DDX6: variants seen among roughly 807,000 people sequenced by gnomAD.
DDX6 encodes probable ATP-dependent RNA helicase DDX6.
Under a neutral mutation model 60.6 loss-of-function variants are expected in DDX6, and 7 were observed. That is an observed-to-expected ratio of 0.12 (90% confidence interval 0.07 to 0.22). The LOEUF (loss-of-function observed/expected upper bound fraction) is 0.22. Ranked by LOEUF, DDX6 falls within the 10% of genes least tolerant of loss-of-function variation. The pLI, the probability that DDX6 is intolerant of heterozygous loss-of-function variation, is 1.00. For synonymous variants in DDX6, 207 were observed against 201.0 expected (o/e 1.03, Z -0.25); for missense variants, 270 against 589.9 (o/e 0.46, Z 5.62).
At chr11:118,757,321 A>T (rs1294634277) in intron 9 of DDX6, 34 bp from the exon 10 acceptor site, 2 of 1,219,296 alleles carry the variant, frequency 1.6e-6, no homozygotes, top group South Asian at 1.7e-5. Flanking sequence ...TGAGAAAAAT[A>T]AAAAAAACCT....
intron 5 of DDX6, among the ~76,000 whole-genome samples, chr11:118,765,644 A>G (rs1379911591): frequency 6.6e-6 from 1 of 152,056 alleles, no homozygotes; most frequent in African/African-American, 2.4e-5. Context: ...GCGTGGTGGC[A>G]CGCACCTGTA....
intron 9 of DDX6, 123 bp from the exon 10 acceptor site, chr11:118,757,410 G>A (rs940638180): frequency 2.0e-6 from 1 of 504,938 alleles, no homozygotes; most frequent in Non-Finnish European, 3.5e-6. Flanking sequence ...AGAATCTCAT[G>A]ATATGAGAGA....
intron 1 of DDX6, 48 bp from the exon 2 acceptor site, chr11:118,786,566 T>C (rs1862081109): frequency 8.5e-6 from 2 of 235,422 alleles, no homozygotes; most frequent in Non-Finnish European, 1.6e-5. Flanking sequence ...CAGAAAAACT[T>C]TGTTTCCCTT....
At chr11:118,755,738 C>A (rs1169397729) in intron 11 of DDX6, among the ~76,000 whole-genome samples, 1 of 151,582 alleles carries the variant, frequency 6.6e-6, no homozygotes, top group Non-Finnish European at 1.5e-5. Context: ...CTAAAAGAGG[C>A]TGGGTGCACT....
chr11:118,754,116 C>T (rs1555158124), intron 13 of DDX6, among the ~76,000 whole-genome samples: 2 of 151,934 alleles, frequency 1.3e-5, no homozygotes, highest in East Asian at 1.9e-4. Flanking sequence ...CAACAAAAAT[C>T]CCCCCTACAA....
At chr11:118,764,031 G>C (rs1469199193) in intron 6 of DDX6, among the ~76,000 whole-genome samples, 1 of 151,984 alleles carries the variant, frequency 6.6e-6, no homozygotes, top group Non-Finnish European at 1.5e-5. Context: ...TTCAACAGTA[G>C]GCATACTTTC....
chr11:118,760,976 C>T (rs1591892601), intron 7 of DDX6, among the ~76,000 whole-genome samples: 1 of 151,968 alleles, frequency 6.6e-6, no homozygotes, highest in Non-Finnish European at 1.5e-5. Context: ...CCTGTCTCTA[C>T]TAAAAATACA....
At chr11:118,780,615 C>T (rs1024428216) in intron 3 of DDX6, among the ~76,000 whole-genome samples, 26 of 152,164 alleles carry the variant, frequency 1.7e-4, no homozygotes, top group Admixed American at 1.5e-3. Context: ...CTGTGCCCGG[C>T]CCTTGGTCAC....
At chr11:118,780,334 G>A (rs1183622307) in intron 3 of DDX6, among the ~76,000 whole-genome samples, 2 of 151,426 alleles carry the variant, frequency 1.3e-5, no homozygotes, top group African/African-American at 2.4e-5. Context: ...TTTTTTCTTC[G>A]AGAGATGGAG....
At chr11:118,756,499 C>T (rs369164358) in intron 10 of DDX6, among the ~76,000 whole-genome samples, 176 bp from the exon 11 acceptor site, 1 of 152,146 alleles carries the variant, frequency 6.6e-6, no homozygotes. Context: ...TCTACAGAAA[C>T]TGTTTACTTA....
intron 1 of DDX6, chr11:118,789,763 TG>T (rs1266471417): frequency 6.6e-6 from 1 of 152,206 alleles, no homozygotes; most frequent in Admixed American, 6.5e-5. Context: ...CTGTCCATCA[TG>T]CACAGTAAGA....
chr11:118,763,564 T>G (rs539338444), intron 6 of DDX6, among the ~76,000 whole-genome samples: 1 of 152,254 alleles, frequency 6.6e-6, no homozygotes, highest in East Asian at 1.9e-4. Context: ...CCGGGTGCAG[T>G]AGCTCATCCC....
intron 4 of DDX6, among the ~76,000 whole-genome samples, chr11:118,773,833 C>A (rs1431532503): frequency 6.6e-6 from 1 of 151,134 alleles, no homozygotes; most frequent in Non-Finnish European, 1.5e-5. Context: ...CCCGACCCCA[C>A]CCAAAAAGAA....
intron 8 of DDX6, among the ~76,000 whole-genome samples, 184 bp downstream of exon 8, chr11:118,759,738 A>T (rs1341130465): frequency 2.0e-5 from 3 of 152,246 alleles, no homozygotes; most frequent in South Asian, 2.1e-4. Context: ...TTACTATTAC[A>T]ACCTTCTTAA....
chr11:118,767,566 T>C (rs1861395550), intron 5 of DDX6: 1 of 151,532 alleles, frequency 6.6e-6, no homozygotes, highest in Non-Finnish European at 1.5e-5. Context: ...CCACAAGAAA[T>C]AGTTCCATAG....
intron 4 of DDX6, among the ~76,000 whole-genome samples, chr11:118,777,402 G>A (rs1273683398): frequency 6.6e-6 from 1 of 152,124 alleles, no homozygotes; most frequent in Admixed American, 6.6e-5. Context: ...TTATGTGTAT[G>A]TGTGTGTGGA....
upstream of DDX6, chr11:118,791,176 C>T (rs1862266450): frequency 1.3e-5 from 2 of 152,348 alleles, no homozygotes; most frequent in South Asian, 2.1e-4. Context: ...CCCCCTCCCT[C>T]GCTCGCCCGT....
chr11:118,766,148 C>T (rs1861347426), intron 5 of DDX6, among the ~76,000 whole-genome samples: 1 of 151,982 alleles, frequency 6.6e-6, no homozygotes. Context: ...GGCTGGGCAG[C>T]ACAGTGAGTA....
chr11:118,781,192 G>C lies in DDX6; in HGVS notation c.201-8C>G. 3 of 1,577,944 alleles carry C rather than the reference G, an allele frequency of 1.9e-6. No individual in the cohort carries two copies. Among genetic ancestry groups the C allele is most frequent in the Non-Finnish European group, 1.7e-6 (2 of 1,153,490 alleles). On this transcript the variant is annotated splice_region_variant and splice_polypyrimidine_tract_variant and intron_variant, in intron 2 of 13. Coordinates refer to ENST00000534980, the MANE Select transcript of DDX6 (RefSeq NM_004397.6). ...TTCCAGTCATCACCAGGTCTAGAGA[G>C]AATACAGTAAACTTGAAGTATCAAA...
Sources: allele counts gnomAD v4.1 joint callset (sites outside exome capture counted in the v4.1 genomes callset), GRCh38; gene constraint gnomAD v4.1.1; transcripts MANE v1.5; gene names NCBI Gene and HGNC (gene_info 2026-07-23, HGNC 2026-07-21).